ZNF394: variants seen among roughly 807,000 people sequenced by gnomAD.
ZNF394 encodes zinc finger protein 99.
Under a neutral mutation model 21.8 loss-of-function variants are expected in ZNF394, and 19 were observed. The ratio of observed to expected loss-of-function variants is 0.87; its 90% CI spans 0.61 to 1.28. ZNF394 has a LOEUF of 1.28. Ranked by LOEUF, ZNF394 falls within the 50% of genes most tolerant of loss-of-function variation. ZNF394 has a pLI of 0.00. For missense variants in ZNF394, 683 were observed against 708.6 expected, an observed-to-expected ratio of 0.96 and a Z score of 0.41; for synonymous variants, 294 against 273.3, an observed-to-expected ratio of 1.08 and a Z score of -0.75.
Position 99,493,950 on chromosome 7 carries a change from C to T in ZNF394, c.1265G>A (p.Arg422His), listed in dbSNP as rs749341211. Residue 422 changes from arginine (R) to histidine (H), a missense_variant, in exon 3 of 3, where the codon CGC becomes CAC. Physicochemically the swap from Arg to His is conservative, Grantham distance 29. This residue lies in a region of ZNF394 where 274 missense variants were observed against 314.1 expected (regional missense o/e 0.87). Coordinates refer to ENST00000337673, the MANE Select transcript of ZNF394 (RefSeq NM_032164.4). ...KPYTCLKCGE[R>H]FRQNSHLNRH... ...ATTTAGGTGTGAATTCTGCCTGAAG[C>T]GCTCCCCACATTTCAGACAGGTGTA... 36 of 1,614,084 alleles carry T rather than the reference C, an allele frequency of 2.2e-5. No homozygotes were observed. The highest frequency in any genetic ancestry group is 6.6e-5 in the South Asian group (6 of 91,092).
downstream of ZNF394, among the ~76,000 whole-genome samples, chr7:99,491,640 G>A (rs953093577): frequency 6.6e-5 from 10 of 151,850 alleles, no homozygotes; most frequent in African/African-American, 1.9e-4. Flanking sequence ...GCCGGGTGTG[G>A]TGGCGAGTGC....
At chr7:99,497,579 C>G (rs1420081175) in intron 2 of ZNF394, among the ~76,000 whole-genome samples, 1 of 151,858 alleles carries the variant, frequency 6.6e-6, no homozygotes, top group African/African-American at 2.4e-5. Flanking sequence ...TAACAATATA[C>G]TTAGCTAGGT....
chr7:99,486,855 G>T (rs770077085), exon 2 of ZNF394: 2 of 1,614,136 alleles, frequency 1.2e-6, no homozygotes, highest in Non-Finnish European at 8.5e-7. Flanking sequence ...GTAAGGCATG[G>T]TTTGATCAAC....
At chr7:99,497,776 T>C (rs965675938) in intron 2 of ZNF394, 52 of 151,934 alleles carry the variant, frequency 3.4e-4, no homozygotes, top group African/African-American at 1.3e-3. Flanking sequence ...GGCAGGAGAA[T>C]TGCTTGGCTT....
chr7:99,494,503 T>C lies in ZNF394; in HGVS notation c.712A>G (p.Thr238Ala). 1.2e-6 allele frequency: 2 copies of C among 1,613,830 alleles called. No homozygotes were observed. The highest frequency in any genetic ancestry group is 1.7e-6 in the Non-Finnish European group (2 of 1,180,038). The change falls in exon 3 of 3, where the codon ACC becomes GCC. Residue 238 changes from threonine (T) to alanine (A), a missense_variant. Thr to Ala is a moderately conservative substitution (Grantham distance 58). Around this residue, in one of 3 missense-constraint regions of ZNF394, gnomAD observed 402 missense variants for 373.8 expected, o/e 1.08. Coordinates refer to ENST00000337673, the MANE Select transcript of ZNF394 (RefSeq NM_032164.4). ...TGCTTTTCCACCCTGTCCTCATGGGTACTGCCACACTTAGAAAACAGGGGG... is the reference window on the plus strand; with the variant it reads ...TGCTTTTCCACCCTGTCCTCATGGGCACTGCCACACTTAGAAAACAGGGGG... ...KRPLFSKCGS[T>A]HEDRVEKQSG...
downstream of ZNF394, among the ~76,000 whole-genome samples, chr7:99,491,567 G>A (rs1231463726): frequency 6.6e-6 from 1 of 151,952 alleles, no homozygotes; most frequent in Admixed American, 6.6e-5. Flanking sequence ...CACGAGGTCA[G>A]GAGATAGACA....
chr7:99,496,115 G>C (rs943173972), intron 2 of ZNF394, among the ~76,000 whole-genome samples: 3 of 150,550 alleles, frequency 2.0e-5, no homozygotes, highest in Non-Finnish European at 4.4e-5. Flanking sequence ...AGGTATTTTA[G>C]TAGGTATTAT....
intron 1 of ZNF394, chr7:99,487,122 G>A: frequency 6.2e-7 from 1 of 1,614,152 alleles, no homozygotes; most frequent in South Asian, 1.1e-5. Flanking sequence ...TTCGACATCA[G>A]GTGATCCATA....
intron 2 of ZNF394, among the ~76,000 whole-genome samples, chr7:99,495,209 A>G (rs569322373): frequency 2.0e-5 from 3 of 152,048 alleles, no homozygotes; most frequent in African/African-American, 7.2e-5. Flanking sequence ...GTGTTTCACC[A>G]TATTGGCCAG....
At chr7:99,491,812 AG>A (rs1800167317), downstream of ZNF394, among the ~76,000 whole-genome samples, 2 of 145,804 alleles carry the variant, frequency 1.4e-5, no homozygotes, top group Non-Finnish European at 3.0e-5. Flanking sequence ...CAGTGGCTCC[AG>A]CCTGTAATCC....
downstream of ZNF394, among the ~76,000 whole-genome samples, chr7:99,489,519 G>C (rs751150541): frequency 6.6e-6 from 1 of 152,088 alleles, no homozygotes; most frequent in Non-Finnish European, 1.5e-5. Flanking sequence ...TGAAGCATGT[G>C]TTTTAGTTTC....
chr7:99,490,004 C>CA (rs780336451), downstream of ZNF394, among the ~76,000 whole-genome samples: 65 of 150,886 alleles, frequency 4.3e-4, no homozygotes, highest in South Asian at 1.0e-3. Context: ...GACCCCGTGT[C>CA]AAAAAAAACA....
In ZNF394 at chr7:99,499,648, G is replaced by A. The variant is rs914605638; in HGVS notation, c.446C>T (p.Thr149Ile). The stretch of plus-strand genomic sequence containing the variant: ...CCTTTCGCTTCTCACCTGGGATGAG[G>A]TTCCATCGAGCGCTCGCTGCAGAGC... The part of the protein sequence containing the change: ...VRALQRALDG[T>I]SSQGMVTFED... The change falls in exon 1 of 3, where the codon ACC (threonine) becomes ATC (isoleucine). Residue 149 changes from threonine to isoleucine, a missense_variant. Thr to Ile is a moderately conservative substitution (Grantham distance 89, BLOSUM62 -1). Transcript: ENST00000337673. 2.5e-6 allele frequency: 4 copies of A among 1,594,468 alleles called. No individual in the cohort carries two copies. Among genetic ancestry groups the A allele is most frequent in the Admixed American group, 3.4e-5 (2 of 58,528 alleles).
At chr7:99,498,600 G>T in intron 2 of ZNF394, 116 bp downstream of exon 2, 1 of 1,463,222 alleles carries the variant, frequency 6.8e-7, no homozygotes, top group Non-Finnish European at 9.2e-7. Flanking sequence ...CGTTACAGAA[G>T]GCACCTGAAG....
At chr7:99,496,204 C>G (rs561772135) in intron 2 of ZNF394, among the ~76,000 whole-genome samples, 1 of 149,512 alleles carries the variant, frequency 6.7e-6, no homozygotes, top group African/African-American at 2.5e-5. Context: ...TTTTAGTAGA[C>G]GGGGTTTTAC....
chr7:99,491,847 G>A (rs917820329), downstream of ZNF394, among the ~76,000 whole-genome samples: 2 of 151,134 alleles, frequency 1.3e-5, no homozygotes, highest in African/African-American at 2.4e-5. Flanking sequence ...GGCCAAGGCG[G>A]GCGGATCATG....
At chr7:99,498,210 A>T (rs1800397695) in intron 2 of ZNF394, 1 of 153,340 alleles carries the variant, frequency 6.5e-6, no homozygotes, top group Non-Finnish European at 1.5e-5. Flanking sequence ...ATGCATCAAC[A>T]TGAGTAAATC....
downstream of ZNF394, among the ~76,000 whole-genome samples, chr7:99,491,683 G>A (rs1305150451): frequency 6.7e-6 from 1 of 148,886 alleles, no homozygotes. Flanking sequence ...GGCTGAAGCA[G>A]GGGAATTGCT....
intron 2 of ZNF394, 152 bp from the exon 3 acceptor site, chr7:99,494,783 G>A: frequency 7.4e-7 from 1 of 1,353,198 alleles, no homozygotes; most frequent in Non-Finnish European, 9.5e-7. Context: ...TCACCAGGCT[G>A]GAGTGCAGTG....
Sources: allele counts gnomAD v4.1 joint callset (sites outside exome capture counted in the v4.1 genomes callset), GRCh38; gene constraint gnomAD v4.1.1; regional missense constraint gnomAD v4.1.1; transcripts MANE v1.5; gene names NCBI Gene and HGNC (gene_info 2026-07-23, HGNC 2026-07-21).